CHD5: variants seen among roughly 807,000 people sequenced by gnomAD.
CHD5 encodes chromodomain helicase DNA binding protein 5, also known as ATP-dependent chromatin remodeler CHD5.
CHD5 carries 69 observed loss-of-function variants against 230.3 expected under a neutral mutation model. That is an observed-to-expected ratio of 0.30 (90% CI 0.25 to 0.37). The LOEUF (loss-of-function observed/expected upper bound fraction) is 0.37. Ranked by LOEUF, CHD5 falls within the 10% of genes least tolerant of loss-of-function variation. The probability of loss-of-function intolerance (pLI) is 1.00; values close to 1 mark genes in which losing one functional copy is unlikely to be tolerated. For missense variants in CHD5, 1,827 were observed against 2,622.8 expected (o/e 0.70, Z 6.63); for synonymous variants, 1,064 against 1,065.9 (o/e 1.00, Z 0.03).
rs1666664534 is a variant in CHD5 at position 6,131,929 on chromosome 1, T to C, written c.3145-181A>G. On this transcript the variant is annotated intron_variant, in intron 20 of 41. Transcript: ENST00000262450. This position sits in a 1 kb window ranked among gnomAD's most constrained non-coding sequence, Gnocchi z 5.0. ...GAACAAAGCTTCCAACCTCACCCCT[T>C]GGAGCCAATCCATCCTCCTGCCTAG... Among the ~76,000 whole-genome samples the C allele has an allele frequency of 6.6e-6, 1 of 152,182 alleles. No individual in the cohort carries two copies. The highest frequency in any genetic ancestry group is 1.5e-5 in the Non-Finnish European group (1 of 68,010).
At chr1:6,118,899 T>G (rs774687449) in intron 33 of CHD5, among the ~76,000 whole-genome samples, 1 of 152,000 alleles carries the variant, frequency 6.6e-6, no homozygotes, top group African/African-American at 2.4e-5. Flanking sequence ...GGTTTCACCA[T>G]GTCGGCCAGG....
chr1:6,149,479 GC>G, intron 7 of CHD5, 67 bp from the exon 8 acceptor site: 1 of 1,501,532 alleles, frequency 6.7e-7, no homozygotes, highest in Non-Finnish European at 9.0e-7. Flanking sequence ...CAACTGCATC[GC>G]CCCAGGCCAG....
rs1004837177 is a variant in CHD5, at chr1:6,125,372, G to T, written c.4261-139C>A. On this transcript the variant is annotated intron_variant, in intron 28 of 41. Transcript: ENST00000262450. The surrounding 1 kb of genome is among the most constrained non-coding windows in gnomAD (Gnocchi z 6.7). ...GAGAAGGCAGGGGCCTCCACCTGGG[G>T]CAGGACCCTGACGGCGAAGACCAGA... 11 of 1,207,976 alleles carry T rather than the reference G, an allele frequency of 9.1e-6. No individual in the cohort carries two copies. In the African/African-American group the frequency reaches 1.7e-4, roughly 18 times the overall value. 74.8% of individuals were successfully genotyped at this position (1,207,976 alleles called of 1,614,324 possible).
rs77982107 is a variant in CHD5 at position 6,142,101 on chromosome 1, G to A, written c.2436+27C>T. On this transcript the variant is annotated intron_variant, in intron 15 of 41. Coordinates refer to ENST00000262450, the MANE Select transcript of CHD5 (RefSeq NM_015557.3). This position sits in a 1 kb window ranked among gnomAD's most constrained non-coding sequence, Gnocchi z 5.2. ...GAACTAGACCGGGGGCCTTCCTACC[G>A]TCCTTCCAAGGATAGCGAGCCCTCA... The A allele has an allele frequency of 2.0e-3, 3,118 of 1,597,414 alleles. 23 individuals are homozygous for A. The highest frequency in any genetic ancestry group is 1.7e-3 in the Middle Eastern group (10 of 6,038).
rs559960301 is a variant in CHD5 at position 6,129,186 on chromosome 1, G to A, written c.3388-117C>T. On this transcript the variant is annotated intron_variant, in intron 22 of 41. Coordinates refer to ENST00000262450, the MANE Select transcript of CHD5 (RefSeq NM_015557.3). This position sits in a 1 kb window ranked among gnomAD's most constrained non-coding sequence, Gnocchi z 6.8. ...GCTGCATGACTGTGTAGGGAAAGGC[G>A]TGTGGTGCGTCCAGGTGTGTGGAGC... is the stretch of plus-strand genomic sequence containing the variant. The A allele has an allele frequency of 7.8e-5, 55 of 705,872 alleles. No homozygotes were observed. The highest frequency in any genetic ancestry group is 6.6e-4 in the Admixed American group (29 of 43,876). 43.7% of individuals were successfully genotyped at this position (705,872 alleles called of 1,614,324 possible). A position where few individuals can be genotyped will look rare whatever the true frequency, so the allele number is the denominator to read the frequency against.
chr1:6,136,028 A>G (rs75872685), intron 17 of CHD5, among the ~76,000 whole-genome samples: 2 of 111,950 alleles, frequency 1.8e-5, no homozygotes, highest in African/African-American at 6.4e-5. Context: ...AAAAAACAAC[A>G]AAAAAAAAAA....
chr1:6,106,491 G>A lies in CHD5; in HGVS notation c.5761C>T (p.Gln1921Ter). The change falls in exon 40 of 42, where the codon CAG becomes TAG. Residue 1921 changes from glutamine (Q) to a stop codon, truncating the protein, a stop_gained. Coordinates refer to ENST00000262450, the MANE Select transcript of CHD5 (RefSeq NM_015557.3). LOFTEE classifies it high-confidence loss of function. ...GGCCCAAAGTTGTTGCTGTACATCT[G>A]GGAGGAGCCGAAAGCGCCCTGGAGG... Reference protein sequence around the residue: ...TIQQGAFGSSQMYSNNFGPNF... With the variant: ...TIQQGAFGSS The A allele has an allele frequency of 6.4e-7, 1 of 1,553,332 alleles. No homozygotes were observed. The highest frequency in any genetic ancestry group is 8.7e-7 in the Non-Finnish European group (1 of 1,148,552).
chr1:6,127,319 T>C (rs1257603715), intron 25 of CHD5, among the ~76,000 whole-genome samples: 3 of 152,042 alleles, frequency 2.0e-5, no homozygotes, highest in Admixed American at 6.5e-5. Flanking sequence ...AAGTCCCATC[T>C]CTACTAAAAA....
chr1:6,166,788 C>G (rs895674856), intron 2 of CHD5, among the ~76,000 whole-genome samples: 1 of 152,130 alleles, frequency 6.6e-6, no homozygotes, highest in South Asian at 2.1e-4. Flanking sequence ...CCATCTCTCC[C>G]ACCCCAGGGC....
rs759469495 is a variant in CHD5 at position 6,146,183 on chromosome 1, G to A, written c.1802+29C>T. On this transcript the variant is annotated intron_variant, in intron 11 of 41. Coordinates refer to ENST00000262450, the MANE Select transcript of CHD5 (RefSeq NM_015557.3). This position sits in a 1 kb window ranked among gnomAD's most constrained non-coding sequence, Gnocchi z 5.1. ...GCTGACGTGGCCCGGCCCCAGCGAT[G>A]GGCAGGGTGGCCGCCTGCAGGCACA... 15 of 1,604,780 alleles carry A rather than the reference G, an allele frequency of 9.3e-6. No individual in the cohort carries two copies. Among genetic ancestry groups the A allele is most frequent in the African/African-American group, 1.3e-5 (1 of 74,868 alleles).
chr1:6,110,349 C>T lies in CHD5; in HGVS notation c.5382+45G>A, dbSNP rs767718378. ...GCCTTTGCGAGGGTCCTCCTGACAC[C>T]GTCCCTCCCTGCCCCGTGCAGCCCT... On this transcript the variant is annotated intron_variant, in intron 37 of 41. Transcript: ENST00000262450. 2.1e-5 allele frequency: 33 copies of T among 1,574,014 alleles called. No individual in the cohort carries two copies. In the Admixed American group the frequency reaches 2.1e-4, roughly 10 times the overall value.
chr1:6,149,251 G>C lies in CHD5; in HGVS notation c.1156C>G (p.His386Asp). 1 of 1,603,478 alleles carries C rather than the reference G, an allele frequency of 6.2e-7. No individual in the cohort carries two copies. The change falls in exon 8 of 42, where the codon CAC (histidine) becomes GAC (aspartate). Residue 386 changes from histidine to aspartate, a missense_variant. His to Asp is a moderately conservative substitution (Grantham distance 81). Coordinates refer to ENST00000262450, the MANE Select transcript of CHD5 (RefSeq NM_015557.3). ...GGGGCTCTGCCAAGGCTTACACAGT[G>C]GGGGCAGCTCCACTTGCCCTCGGGA... The part of the protein sequence containing the change: ...KAPEGKWSCP[H>D]CEKEGIQWEP...
Position 6,104,639 on chromosome 1 carries a change from C to T in CHD5, c.*835G>A, listed in dbSNP as rs1666131810. 1 of 151,870 alleles carries T rather than the reference C, an allele frequency of 6.6e-6. No individual in the cohort carries two copies. Among genetic ancestry groups the T allele is most frequent in the African/African-American group, 2.4e-5 (1 of 41,274 alleles). The allele number at this position is 151,870 out of a possible 1,614,324, so 9.4% of individuals were successfully genotyped here. A position where few individuals can be genotyped will look rare whatever the true frequency, so the allele number is the denominator to read the frequency against. ...TGCTGCCCCCCCCCCAGCCCACCCT[C>T]CCTGGGATCATACGCTTCTGCCTGC... On this transcript the variant is annotated 3_prime_UTR_variant, in exon 42 of 42. Transcript: ENST00000262450.
Position 6,151,529 on chromosome 1 carries a change from G to A in CHD5, c.871-374C>T, listed in dbSNP as rs995540478. Among the ~76,000 whole-genome samples, 19 of 152,248 alleles carry A rather than the reference G, an allele frequency of 1.2e-4. 1 individual carries two copies. Among genetic ancestry groups the A allele is most frequent in the Admixed American group, 1.2e-3 (19 of 15,286 alleles). ...TTTACTGGACCTACTGTGGCTGCGT[G>A]TGTGCCAGGTCTGGCCTGTCCTGTC... On this transcript the variant is annotated intron_variant, in intron 6 of 41. Coordinates refer to ENST00000262450, the MANE Select transcript of CHD5 (RefSeq NM_015557.3).
At position 6,128,440 on chromosome 1, in the gene CHD5, C is replaced by T; in HGVS notation, c.3730+59G>A. The T allele has an allele frequency of 7.0e-7, 1 of 1,428,968 alleles. No individual in the cohort carries two copies. The highest frequency in any genetic ancestry group is 1.8e-5 in the Admixed American group (1 of 56,688). The allele number at this position is 1,428,968 out of a possible 1,614,324, so 88.5% of individuals were successfully genotyped here. On this transcript the variant is annotated intron_variant, in intron 24 of 41. Coordinates refer to ENST00000262450, the MANE Select transcript of CHD5 (RefSeq NM_015557.3). The surrounding 1 kb of genome is among the most constrained non-coding windows in gnomAD (Gnocchi z 7.8). Reference sequence around the variant, plus strand: ...GAGGGCAGGTCAGGGAACCCCTCCTCTGCAGGAGCAGCCACCTGGTCGGAG... The same window carrying T: ...GAGGGCAGGTCAGGGAACCCCTCCTTTGCAGGAGCAGCCACCTGGTCGGAG...
chr1:6,123,200 C>T (rs2100841031), intron 31 of CHD5, among the ~76,000 whole-genome samples: 2 of 152,182 alleles, frequency 1.3e-5, no homozygotes, highest in South Asian at 4.2e-4. Flanking sequence ...GTGACAGAAG[C>T]CAGACAGAAA....
At chr1:6,117,049 G>A (rs920755553) in intron 33 of CHD5, among the ~76,000 whole-genome samples, 5 of 152,120 alleles carry the variant, frequency 3.3e-5, no homozygotes, top group African/African-American at 1.2e-4. Context: ...AAAATGTTAA[G>A]AGTACAGAAT....
rs759168575 is a variant in CHD5 at position 6,149,087 on chromosome 1, G to A, written c.1162-12C>T. 18 of 1,497,884 alleles carry A rather than the reference G, an allele frequency of 1.2e-5. No individual in the cohort carries two copies. The highest frequency in any genetic ancestry group is 1.4e-5 in the Non-Finnish European group (16 of 1,120,528). 92.8% of individuals were successfully genotyped at this position (1,497,884 alleles called of 1,614,324 possible). A position where few individuals can be genotyped will look rare whatever the true frequency, so the allele number is the denominator to read the frequency against. On this transcript the variant is annotated splice_polypyrimidine_tract_variant and intron_variant, in intron 8 of 41. Transcript: ENST00000262450. ...ATCCCCTCCTTCTCCTGGGGGAGGA[G>A]GCCAGGTGGAGGCACCCTGGGCGGG...
Position 6,124,667 on chromosome 1 carries a change from G to A in CHD5, c.4395-6C>T. 7.1e-7 allele frequency: 1 copy of A among 1,413,516 alleles called. No individual in the cohort carries two copies. The highest frequency in any genetic ancestry group is 9.6e-7 in the Non-Finnish European group (1 of 1,037,778). The allele number at this position is 1,413,516 out of a possible 1,614,324, so 87.6% of individuals were successfully genotyped here. A position where few individuals can be genotyped will look rare whatever the true frequency, so the allele number is the denominator to read the frequency against. On this transcript the variant is annotated splice_polypyrimidine_tract_variant and splice_region_variant and intron_variant, in intron 29 of 41. Transcript: ENST00000262450. ...TGAAGAGGGACACATAGGCTCTGGG[G>A]TGGGGGGGGGGGACTGGGGCTCAGG...
Sources: allele counts gnomAD v4.1 joint callset (sites outside exome capture counted in the v4.1 genomes callset), GRCh38; gene constraint gnomAD v4.1.1; non-coding constraint Gnocchi (gnomAD v3.1); transcripts MANE v1.5; gene names NCBI Gene and HGNC (gene_info 2026-07-23, HGNC 2026-07-21).